MX2: variants seen among roughly 807,000 people sequenced by gnomAD.
The protein encoded by MX2 is MX dynamin like GTPase 2.
A neutral mutation model predicts 74.0 loss-of-function variants in MX2; 51 were observed. The ratio of observed to expected loss-of-function variants is 0.69; its 90% CI spans 0.55 to 0.87. The LOEUF (loss-of-function observed/expected upper bound fraction) is 0.87. Among genes scored for constraint, MX2 ranks in the 40% least tolerant of loss-of-function variants. The pLI is 0.00. For missense variants in MX2, 832 were observed against 908.7 expected, an observed-to-expected ratio of 0.92 and a Z score of 1.09; for synonymous variants, 369 against 339.3, an observed-to-expected ratio of 1.09 and a Z score of -0.96.
At chr21:41,362,820 G>C (rs62219627) in intron 1 of MX2, among the ~76,000 whole-genome samples, 5,481 of 139,618 alleles carry the variant, frequency 0.039, 150 homozygotes, top group Non-Finnish European at 0.058. Context: ...GTGCAGTGGC[G>C]TGATCATGGC....
Position 41,384,572 on chromosome 21 carries a change from T to C in MX2, c.732+2008T>C, listed in dbSNP as rs188648809. ...CTCATAATTACAGCCACGTGCCCTA[T>C]GGGACTGGTTAATCCCTAACAGTGA... On this transcript the variant is annotated intron_variant, in intron 5 of 13. Transcript: ENST00000330714. 7.7e-3 allele frequency among the ~76,000 whole-genome samples: 1,174 copies of C among 152,352 alleles called. 20 individuals are homozygous for C. Among genetic ancestry groups the C allele is most frequent in the African/African-American group, 0.027 (1,110 of 41,572 alleles).
In MX2 at chr21:41,379,467, G is replaced by T. The variant is rs547567647; in HGVS notation, c.443-550G>T. Among the ~76,000 whole-genome samples the T allele has an allele frequency of 6.6e-5, 10 of 152,270 alleles. No individual in the cohort carries two copies. The East Asian group carries it at 1.9e-3, about 29-fold the overall frequency. On this transcript the variant is annotated intron_variant, in intron 3 of 13. Coordinates refer to ENST00000330714, the MANE Select transcript of MX2 (RefSeq NM_002463.2). ...CAGGATTCCCCTTGCTCCTCCTTCG[G>T]GATGTCCGGCTTCTCCTCCAGGCTT...
At position 41,408,026 on chromosome 21, in the gene MX2, T is replaced by A; in HGVS notation, c.1941T>A (p.Phe647Leu). 6.2e-7 allele frequency: 1 copy of A among 1,614,160 alleles called. No homozygotes were observed. Among genetic ancestry groups the A allele is most frequent in the East Asian group, 2.2e-5 (1 of 44,880 alleles). Residue 647 changes from phenylalanine (F) to leucine (L), a missense_variant, in exon 14 of 14, where the codon TTT (phenylalanine) becomes TTA (leucine). By Grantham distance (22) the Phe-to-Leu change is conservative. Transcript: ENST00000330714. The part of the protein sequence containing the change: ...TSKRLANQIP[F>L]IIQYFMLREN... ...AACGTCTCGCCAACCAGATCCCATTTATAATTCAGTATTTTATGCTCCGAG... is the reference window on the plus strand; with the variant it reads ...AACGTCTCGCCAACCAGATCCCATTAATAATTCAGTATTTTATGCTCCGAG...
chr21:41,397,135 C>T (rs960939005), intron 7 of MX2, among the ~76,000 whole-genome samples: 1 of 152,232 alleles, frequency 6.6e-6, no homozygotes, highest in Non-Finnish European at 1.5e-5. Context: ...GCTGCAGCCA[C>T]GCTGCCTGCT....
intron 12 of MX2, among the ~76,000 whole-genome samples, chr21:41,405,646 G>C (rs760354687): frequency 1.3e-5 from 2 of 151,144 alleles, no homozygotes; most frequent in Non-Finnish European, 2.9e-5. Context: ...CAAATGTTCA[G>C]TCCATGGCAG....
At position 41,397,519 on chromosome 21, in the gene MX2, G is replaced by A. The variant is rs138177100; in HGVS notation, c.1071-94G>A. 1.1e-4 allele frequency: 123 copies of A among 1,102,208 alleles called. No homozygotes were observed. The African/African-American group carries it at 1.2e-3, about 11-fold the overall frequency. 68.3% of individuals were successfully genotyped at this position (1,102,208 alleles called of 1,614,324 possible). ...CTTTTCTGATGGCACGTGTTGCCCCGGGGAGCTGGGCTCACCTACCACGCA... is the reference window on the plus strand; with the variant it reads ...CTTTTCTGATGGCACGTGTTGCCCCAGGGAGCTGGGCTCACCTACCACGCA... On this transcript the variant is annotated intron_variant, in intron 7 of 13. Coordinates refer to ENST00000330714, the MANE Select transcript of MX2 (RefSeq NM_002463.2).
intron 1 of MX2, chr21:41,364,465 G>C (rs528616069): frequency 6.5e-6 from 1 of 153,910 alleles, no homozygotes; most frequent in African/African-American, 2.4e-5. Context: ...GACAGGCACC[G>C]GCTCCTCAAG....
rs1047663863 is a variant in MX2, at chr21:41,375,760, C to G, written c.-71-1076C>G. On this transcript the variant is annotated intron_variant, in intron 1 of 13. Coordinates refer to ENST00000330714, the MANE Select transcript of MX2 (RefSeq NM_002463.2). ...CTTTTTCCAAAAAAAAAGTCATGTT[C>G]CCAGGTTCCAGGTGAACATAAATTT... Among the ~76,000 whole-genome samples, 3 of 152,306 alleles carry G rather than the reference C, an allele frequency of 2.0e-5. No homozygotes were observed. The South Asian group carries it at 6.2e-4, about 32-fold the overall frequency.
Position 41,380,190 on chromosome 21 carries a change from G to A in MX2, c.577+39G>A, listed in dbSNP as rs780114397. The A allele has an allele frequency of 1.9e-6, 3 of 1,611,734 alleles. No individual in the cohort carries two copies. Among genetic ancestry groups the A allele is most frequent in the Non-Finnish European group, 2.5e-6 (3 of 1,178,536 alleles). ...ATTCTGAGGTTCGGATCTGGCAGCC[G>A]CTCCTCTCACTTCCTCGGTTCCTTC... On this transcript the variant is annotated intron_variant, in intron 4 of 13. Coordinates refer to ENST00000330714, the MANE Select transcript of MX2 (RefSeq NM_002463.2). The surrounding 1 kb of genome is among the most constrained non-coding windows in gnomAD (Gnocchi z 4.3).
Position 41,408,201 on chromosome 21 carries a change from C to T in MX2, c.2116C>T (p.Leu706Phe), listed in dbSNP as rs747099390. The T allele has an allele frequency of 1.2e-6, 2 of 1,614,190 alleles. No homozygotes were observed. The highest frequency in any genetic ancestry group is 1.1e-5 in the South Asian group (1 of 91,080). ...CCGGCTCACTCAGGCGCGACACGCA[C>T]TCTGTCAATTCTCCAGCAAAGAGAT... ...IYRLTQARHA[L>F]CQFSSKEIH The change falls in exon 14 of 14, where the codon CTC (leucine) becomes TTC (phenylalanine). Residue 706 changes from leucine (L) to phenylalanine (F), a missense_variant. Coordinates refer to ENST00000330714, the MANE Select transcript of MX2 (RefSeq NM_002463.2).
chr21:41,390,713 A>G lies in MX2; in HGVS notation c.871+10A>G. The G allele has an allele frequency of 6.2e-7, 1 of 1,613,584 alleles. No individual in the cohort carries two copies. Among genetic ancestry groups the G allele is most frequent in the South Asian group, 1.1e-5 (1 of 91,074 alleles). On this transcript the variant is annotated intron_variant, in intron 6 of 13. Coordinates refer to ENST00000330714, the MANE Select transcript of MX2 (RefSeq NM_002463.2). ...GGGGACAGGACCATCGGTAAGAGGA[A>G]AGAACCAAGTGGCCGGGTGCGGTGG...
intron 10 of MX2, 53 bp from the exon 11 acceptor site, chr21:41,401,917 C>CGACGTCTGCA (rs2089819639): frequency 6.4e-7 from 1 of 1,570,086 alleles, no homozygotes; most frequent in African/African-American, 1.4e-5. Flanking sequence ...GCTAGCTTTA[C>CGACGTCTGCA]GACGTCTGCA....
intron 10 of MX2, among the ~76,000 whole-genome samples, chr21:41,400,648 C>G (rs1324091811): frequency 6.6e-6 from 1 of 152,190 alleles, no homozygotes; most frequent in East Asian, 1.9e-4. Context: ...AAAGGAGAAG[C>G]AAGCACCTTC....
intron 1 of MX2, 27 bp from the exon 2 acceptor site, chr21:41,376,809 G>C (rs1462953840): frequency 6.5e-7 from 1 of 1,545,038 alleles, no homozygotes; most frequent in Admixed American, 1.8e-5. Context: ...TGACCTGTGG[G>C]CCGCTCTCCC....
Position 41,402,201 on chromosome 21 carries a change from G to C in MX2, c.1573+73G>C. 1 of 1,515,474 alleles carries C rather than the reference G, an allele frequency of 6.6e-7. No individual in the cohort carries two copies. The highest frequency in any genetic ancestry group is 8.9e-7 in the Non-Finnish European group (1 of 1,125,486). 93.9% of individuals were successfully genotyped at this position (1,515,474 alleles called of 1,614,324 possible). ...CATAGACCCCAGTGCCTTGGAGGGA[G>C]AGATTGGAATGGAGTTACCAAACCA... On this transcript the variant is annotated intron_variant, in intron 11 of 13. Coordinates refer to ENST00000330714, the MANE Select transcript of MX2 (RefSeq NM_002463.2). This position sits in a 1 kb window ranked among gnomAD's most constrained non-coding sequence, Gnocchi z 4.5.
At chr21:41,395,503 A>G (rs973458046) in intron 6 of MX2, 84 bp from the exon 7 acceptor site, 1 of 1,328,840 alleles carries the variant, frequency 7.5e-7, no homozygotes, top group Non-Finnish European at 1.1e-6. Context: ...GTTGGCCAAA[A>G]AAGGAGCCCA....
intron 6 of MX2, among the ~76,000 whole-genome samples, chr21:41,391,406 A>G (rs1418476948): frequency 7.5e-6 from 1 of 133,074 alleles, no homozygotes; most frequent in African/African-American, 3.2e-5. Context: ...TTTTTTTTTG[A>G]GACAGAGTTT....
At chr21:41,400,536 C>G (rs558965583) in intron 10 of MX2, among the ~76,000 whole-genome samples, 1 of 152,252 alleles carries the variant, frequency 6.6e-6, no homozygotes, top group East Asian at 1.9e-4. Flanking sequence ...CTATAAAAAA[C>G]TACCTGAGAC....
chr21:41,401,436 T>C (rs1214562074), intron 10 of MX2: 1 of 152,462 alleles, frequency 6.6e-6, no homozygotes, highest in Non-Finnish European at 1.5e-5. Flanking sequence ...AGTTTTGTTT[T>C]TGTTTTTCAG....
Sources: allele counts gnomAD v4.1 joint callset (sites outside exome capture counted in the v4.1 genomes callset), GRCh38; gene constraint gnomAD v4.1.1; non-coding constraint Gnocchi (gnomAD v3.1); transcripts MANE v1.5; gene names NCBI Gene and HGNC (gene_info 2026-07-23, HGNC 2026-07-21).